The following PADI2 variants were observed in gnomAD, a reference collection of about 807,000 sequenced individuals.
PADI2 encodes the protein peptidyl arginine deiminase 2, also known as protein-arginine deiminase type-2.
PADI2 carries 70 observed loss-of-function variants against 81.1 expected under a neutral mutation model. That is an observed-to-expected ratio of 0.86 (90% CI 0.71 to 1.05). PADI2 has a LOEUF of 1.05. Among genes scored for constraint, PADI2 ranks in the 50% least tolerant of loss-of-function variants. PADI2 has a pLI of 0.00. For missense variants in PADI2, 853 were observed against 889.9 expected (o/e 0.96, Z 0.53); for synonymous variants, 338 against 358.0 (o/e 0.94, Z 0.63).
Position 17,070,221 on chromosome 1 carries a change from G to A in PADI2, c.1636-5C>T. On this transcript the variant is annotated splice_region_variant and splice_polypyrimidine_tract_variant and intron_variant, in intron 14 of 15. Coordinates refer to ENST00000375486, the MANE Select transcript of PADI2 (RefSeq NM_007365.3). ...ACGGTTCCAGTCTAGGCAGCGCTGG[G>A]TAGGAGAAAGGATGGAGGGCATGCA... The A allele has an allele frequency of 1.2e-6, 2 of 1,613,700 alleles. No individual in the cohort carries two copies. The highest frequency in any genetic ancestry group is 2.7e-5 in the African/African-American group (2 of 75,040).
intron 6 of PADI2, among the ~76,000 whole-genome samples, chr1:17,089,316 T>C (rs547279434): frequency 1.3e-5 from 2 of 152,352 alleles, no homozygotes; most frequent in East Asian, 3.9e-4. Flanking sequence ...TCAGATAGAC[T>C]GGCATCATGA....
rs546939862 is a variant in PADI2 at position 17,067,964 on chromosome 1, G to A, written c.*1080C>T. On this transcript the variant is annotated 3_prime_UTR_variant, in exon 16 of 16. Coordinates refer to ENST00000375486, the MANE Select transcript of PADI2 (RefSeq NM_007365.3). ...GAGGGTCTTTGGCAAAGGCACTGGT[G>A]AATTTCAATGGGATAATCAAACCAC... 6.5e-6 allele frequency: 1 copy of A among 152,776 alleles called. No individual in the cohort carries two copies. The highest frequency in any genetic ancestry group is 2.1e-4 in the South Asian group (1 of 4,826). 9.5% of individuals were successfully genotyped at this position (152,776 alleles called of 1,614,324 possible).
intron 6 of PADI2, among the ~76,000 whole-genome samples, chr1:17,090,617 G>GTGTGTC (rs1162994338): frequency 2.7e-5 from 4 of 149,926 alleles, no homozygotes; most frequent in African/African-American, 4.9e-5. Flanking sequence ...GTGTGTGTGT[G>GTGTGTC]TCTAAGAGTT....
chr1:17,104,440 T>TC (rs1380025804), intron 2 of PADI2, among the ~76,000 whole-genome samples: 19 of 81,830 alleles, frequency 2.3e-4, no homozygotes, highest in African/African-American at 7.9e-4. Context: ...TCTTTTTTTT[T>TC]TTTTTTTTTT....
At chr1:17,073,274 G>A (rs558467707) in intron 13 of PADI2, among the ~76,000 whole-genome samples, 225 of 152,104 alleles carry the variant, frequency 1.5e-3, no homozygotes, top group African/African-American at 5.2e-3. Context: ...AAAATTAGCC[G>A]GGCGTGGTGG....
chr1:17,071,605 T>C, intron 13 of PADI2, 114 bp from the exon 14 acceptor site: 2 of 808,194 alleles, frequency 2.5e-6, no homozygotes, highest in Non-Finnish European at 4.1e-6. Flanking sequence ...ACTGGGGAGA[T>C]GGGACTGGGG....
chr1:17,082,430 A>G (rs1331801252), intron 10 of PADI2, 115 bp downstream of exon 10: 42 of 713,136 alleles, frequency 5.9e-5, no homozygotes, highest in Admixed American at 9.0e-5. Flanking sequence ...GAGGAGAAAC[A>G]GAGGCTCTGG....
At chr1:17,116,933 A>G (rs1569606118) in intron 1 of PADI2, among the ~76,000 whole-genome samples, 2 of 152,172 alleles carry the variant, frequency 1.3e-5, no homozygotes, top group African/African-American at 4.8e-5. Flanking sequence ...GCTTCCTTCC[A>G]CTGGACCAGT....
chr1:17,069,421 C>T (rs2078249045), intron 15 of PADI2, 144 bp from the exon 16 acceptor site: 1 of 663,230 alleles, frequency 1.5e-6, no homozygotes, highest in African/African-American at 1.8e-5. Context: ...GGCTAAGTCA[C>T]TCACAAATGG....
At chr1:17,080,642 A>T (rs77892666) in intron 10 of PADI2, among the ~76,000 whole-genome samples, 2,902 of 152,316 alleles carry the variant, frequency 0.019, 41 homozygotes, top group Middle Eastern at 0.031. Flanking sequence ...AACCTGCCAG[A>T]CTTGCCACTG....
At chr1:17,073,188 C>T (rs532167280) in intron 13 of PADI2, among the ~76,000 whole-genome samples, 1 of 152,044 alleles carries the variant, frequency 6.6e-6, no homozygotes, top group Non-Finnish European at 1.5e-5. Context: ...GAGGCCGAGG[C>T]GGGTGGTTCA....
At chr1:17,101,700 A>C (rs2746503) in intron 3 of PADI2, among the ~76,000 whole-genome samples, 9,262 of 152,154 alleles carry the variant, frequency 0.061, 939 homozygotes, top group African/African-American at 0.21. Flanking sequence ...AGGGCTAGAG[A>C]GGAAGGGGCT....
At chr1:17,079,639 T>C (rs1441845288) in intron 10 of PADI2, among the ~76,000 whole-genome samples, 1 of 151,028 alleles carries the variant, frequency 6.6e-6, no homozygotes, top group East Asian at 1.9e-4. Context: ...TGAGAGTGAG[T>C]GTGAGAGTGA....
intron 9 of PADI2, chr1:17,082,887 T>TC (rs1306645374): frequency 0.019 from 6,816 of 365,422 alleles, no homozygotes; most frequent in Middle Eastern, 0.026. Context: ...TTTTTTTTTT[T>TC]TGAGACAGGG....
At chr1:17,086,260 C>T (rs948636493) in intron 7 of PADI2, among the ~76,000 whole-genome samples, 2 of 152,160 alleles carry the variant, frequency 1.3e-5, no homozygotes, top group Admixed American at 6.6e-5. Context: ...AGGACACAGG[C>T]GTGGAGTGTG....
At chr1:17,090,473 C>T (rs1334935568) in intron 6 of PADI2, among the ~76,000 whole-genome samples, 1 of 152,188 alleles carries the variant, frequency 6.6e-6, no homozygotes, top group Non-Finnish European at 1.5e-5. Flanking sequence ...ACCAGGACAC[C>T]TGACATTCGC....
intron 8 of PADI2, 116 bp from the exon 9 acceptor site, chr1:17,083,953 C>T (rs2078366402): frequency 4.3e-6 from 3 of 703,086 alleles, no homozygotes; most frequent in Non-Finnish European, 7.6e-6. Flanking sequence ...GCAGATCAGT[C>T]TACACCTGTG....
At position 17,105,079 on chromosome 1, in the gene PADI2, A is replaced by AG; in HGVS notation, c.93-19dup. 1 of 1,537,660 alleles carries AG rather than the reference A, an allele frequency of 6.5e-7. No individual in the cohort carries two copies. The highest frequency in any genetic ancestry group is 8.8e-7 in the Non-Finnish European group (1 of 1,134,546). ...GGGCCGCGCTGTGGGGAGAGATGAG[A>AG]GAGGGTTAGGGAGAGCCCTGGGGTA... On this transcript the variant is annotated intron_variant, in intron 1 of 15. Transcript: ENST00000375486.
rs189696506 is a variant in PADI2, at chr1:17,101,419, G to T, written c.349+1568C>A. Among the ~76,000 whole-genome samples, 77 of 152,242 alleles carry T rather than the reference G, an allele frequency of 5.1e-4. 1 individual carries two copies. In the East Asian group the frequency reaches 0.011, roughly 21 times the overall value. Reference sequence around the variant, plus strand: ...TCCTCAGGTGTCCCTATCTTGGTGGGATTAGGTTTCCTCAGGGACTGTCAT... The same window carrying T: ...TCCTCAGGTGTCCCTATCTTGGTGGTATTAGGTTTCCTCAGGGACTGTCAT... On this transcript the variant is annotated intron_variant, in intron 3 of 15. Coordinates refer to ENST00000375486, the MANE Select transcript of PADI2 (RefSeq NM_007365.3).
Sources: allele counts gnomAD v4.1 joint callset (sites outside exome capture counted in the v4.1 genomes callset), GRCh38; gene constraint gnomAD v4.1.1; transcripts MANE v1.5; gene names NCBI Gene and HGNC (gene_info 2026-07-23, HGNC 2026-07-21).